GPC6: variants seen among roughly 807,000 people sequenced by gnomAD.
GPC6 encodes glypican 6.
Under a neutral mutation model 55.2 loss-of-function variants are expected in GPC6, and 14 were observed. That is an observed-to-expected ratio of 0.25 (90% CI 0.17 to 0.40). GPC6 has a LOEUF of 0.40. Ranked by LOEUF, GPC6 falls within the 10% of genes least tolerant of loss-of-function variation. The pLI is 1.00. For missense variants in GPC6, 641 were observed against 708.5 expected (o/e 0.90, Z 1.08); for synonymous variants, 278 against 259.6 (o/e 1.07, Z -0.68).
chr13:93,363,054 G>A (rs1280687081), intron 1 of GPC6, among the ~76,000 whole-genome samples: 2 of 148,964 alleles, frequency 1.3e-5, no homozygotes, highest in Non-Finnish European at 3.0e-5. Context: ...CTACCAAGAC[G>A]TTTCATAAGT....
chr13:93,996,243 G>A (rs897046585), intron 3 of GPC6, among the ~76,000 whole-genome samples: 13 of 152,274 alleles, frequency 8.5e-5, no homozygotes, highest in South Asian at 4.1e-4. Context: ...ATTTCAAGGT[G>A]CACAAAGAGC....
At chr13:93,757,491 A>C (rs1884812944) in intron 2 of GPC6, among the ~76,000 whole-genome samples, 1 of 151,096 alleles carries the variant, frequency 6.6e-6, no homozygotes, top group Non-Finnish European at 1.5e-5. Context: ...CTATGGGAGC[A>C]GTGAGAAGCA....
chr13:94,225,734 G>A (rs1251104901), intron 4 of GPC6, among the ~76,000 whole-genome samples: 7 of 151,730 alleles, frequency 4.6e-5, no homozygotes, highest in Admixed American at 4.6e-4. Context: ...ACAAGACTGT[G>A]TATTAATCAG....
At position 94,238,667 on chromosome 13, in the gene GPC6, C is replaced by G. The variant is rs552904172; in HGVS notation, c.878-47682C>G. ...AATTTTGAAGCCAGATTTTAGGGAGCTTTGGGAATAAGCACCGTGTGAGAA... is the reference window on the plus strand; with the variant it reads ...AATTTTGAAGCCAGATTTTAGGGAGGTTTGGGAATAAGCACCGTGTGAGAA... On this transcript the variant is annotated intron_variant, in intron 4 of 8. Coordinates refer to ENST00000377047, the MANE Select transcript of GPC6 (RefSeq NM_005708.5). Among the ~76,000 whole-genome samples, 25 of 152,174 alleles carry G rather than the reference C, an allele frequency of 1.6e-4. No homozygotes were observed. In the South Asian group the frequency reaches 2.5e-3, roughly 15 times the overall value.
At chr13:93,945,330 A>T (rs1305085436) in intron 3 of GPC6, among the ~76,000 whole-genome samples, 1 of 152,214 alleles carries the variant, frequency 6.6e-6, no homozygotes, top group East Asian at 1.9e-4. Context: ...AACTGAGAAT[A>T]AGGACTAATT....
intron 3 of GPC6, among the ~76,000 whole-genome samples, chr13:93,852,921 C>T (rs1594524599): frequency 6.6e-6 from 1 of 151,564 alleles, no homozygotes. Context: ...AATTTATGTT[C>T]CTCATCTTAG....
At chr13:93,228,619 G>T (rs920800874) in intron 1 of GPC6, among the ~76,000 whole-genome samples, 4 of 152,194 alleles carry the variant, frequency 2.6e-5, no homozygotes, top group East Asian at 3.9e-4. Context: ...TGAATGAAAC[G>T]TGTCGGGGAG....
intron 7 of GPC6, among the ~76,000 whole-genome samples, chr13:94,387,783 C>G (rs80159099): frequency 4.0e-5 from 6 of 150,384 alleles, no homozygotes; most frequent in South Asian, 2.1e-4. Context: ...GAGGACACAA[C>G]AAGGCAGCCA....
At chr13:93,354,658 C>G (rs1304858997) in intron 1 of GPC6, among the ~76,000 whole-genome samples, 1 of 151,610 alleles carries the variant, frequency 6.6e-6, no homozygotes, top group Admixed American at 6.6e-5. Context: ...GCCACCGCAC[C>G]CAGCCTTCTG....
intron 3 of GPC6, among the ~76,000 whole-genome samples, chr13:93,858,506 G>T (rs1399473879): frequency 6.6e-6 from 1 of 151,534 alleles, no homozygotes; most frequent in Non-Finnish European, 1.5e-5. Flanking sequence ...ATGTAGGGAA[G>T]AGTAGAGATC....
intron 1 of GPC6, among the ~76,000 whole-genome samples, chr13:93,329,753 T>A (rs547437769): frequency 2.2e-4 from 34 of 152,238 alleles, no homozygotes; most frequent in African/African-American, 7.7e-4. Flanking sequence ...AGTTCCCTAG[T>A]GTTATGTGTC....
intron 4 of GPC6, among the ~76,000 whole-genome samples, chr13:94,251,629 C>G (rs1185682793): frequency 1.3e-5 from 2 of 151,562 alleles, no homozygotes; most frequent in African/African-American, 4.8e-5. Flanking sequence ...TTGTCACGTC[C>G]TTTGTTACAA....
intron 4 of GPC6, among the ~76,000 whole-genome samples, chr13:94,038,786 G>A (rs1289078829): frequency 6.6e-6 from 1 of 151,884 alleles, no homozygotes; most frequent in African/African-American, 2.4e-5. Context: ...GTAGAAAGGA[G>A]GAAGCAAGAG....
chr13:93,493,508 G>A lies in GPC6; in HGVS notation c.161-51755G>A, dbSNP rs1228122561. Among the ~76,000 whole-genome samples, 15 of 116,540 alleles carry A rather than the reference G, an allele frequency of 1.3e-4. 1 individual carries two copies. The highest frequency in any genetic ancestry group is 4.4e-4 in the African/African-American group (14 of 31,580). The allele number at this position is 116,540 out of a possible 152,430, so 76.5% of individuals were successfully genotyped here. ...TCCTTGATTTTTTGATGGGTTTTTTGTGTCTCTATTTCCTTCAGTTCTGCT... is the reference window on the plus strand; with the variant it reads ...TCCTTGATTTTTTGATGGGTTTTTTATGTCTCTATTTCCTTCAGTTCTGCT... On this transcript the variant is annotated intron_variant, in intron 1 of 8. Transcript: ENST00000377047.
chr13:93,797,462 A>G (rs1318608504), intron 2 of GPC6, among the ~76,000 whole-genome samples: 1 of 152,190 alleles, frequency 6.6e-6, no homozygotes, highest in Non-Finnish European at 1.5e-5. Flanking sequence ...CTATAATTTG[A>G]GAGGCTTGGA....
chr13:93,472,568 G>T (rs1879158158), intron 1 of GPC6, among the ~76,000 whole-genome samples: 1 of 152,230 alleles, frequency 6.6e-6, no homozygotes, highest in South Asian at 2.1e-4. Flanking sequence ...AAATGTGGGG[G>T]TGCCCGGAAG....
At chr13:93,584,789 A>C (rs1877115820) in intron 2 of GPC6, among the ~76,000 whole-genome samples, 1 of 150,458 alleles carries the variant, frequency 6.6e-6, no homozygotes, top group African/African-American at 2.5e-5. Context: ...CCTGGGCTCA[A>C]ACAATCCTCT....
intron 5 of GPC6, among the ~76,000 whole-genome samples, chr13:94,299,267 G>A (rs1432483934): frequency 2.6e-5 from 4 of 152,126 alleles, no homozygotes; most frequent in Non-Finnish European, 5.9e-5. Flanking sequence ...CATGTTTTCA[G>A]TGTATTCTTC....
At chr13:94,255,796 G>T (rs1027482926) in intron 4 of GPC6, among the ~76,000 whole-genome samples, 1 of 152,144 alleles carries the variant, frequency 6.6e-6, no homozygotes, top group African/African-American at 2.4e-5. Flanking sequence ...GCATCAGTTT[G>T]TATTGAAAAT....
Sources: allele counts gnomAD v4.1 joint callset (sites outside exome capture counted in the v4.1 genomes callset), GRCh38; gene constraint gnomAD v4.1.1; transcripts MANE v1.5; gene names NCBI Gene and HGNC (gene_info 2026-07-23, HGNC 2026-07-21).